Variants in CPQ observed in about 807,000 individuals in gnomAD.
CPQ encodes carboxypeptidase Q, also known as Ser-Met dipeptidase.
Under a neutral mutation model 45.7 loss-of-function variants are expected in CPQ, and 37 were observed. That is an observed-to-expected ratio of 0.81 (90% CI 0.62 to 1.07). The LOEUF (loss-of-function observed/expected upper bound fraction) is 1.07, where lower values mean the gene tolerates loss of function less well. Among genes scored for constraint, CPQ ranks in the 50% least tolerant of loss-of-function variants. The pLI, the probability that CPQ is intolerant of heterozygous loss-of-function variation, is 0.00. For missense variants in CPQ, 537 were observed against 572.9 expected (o/e 0.94, Z 0.64); for synonymous variants, 186 against 205.8 (o/e 0.90, Z 0.82).
intron 4 of CPQ, among the ~76,000 whole-genome samples, chr8:96,937,718 T>C (rs182039651): frequency 4.9e-4 from 74 of 152,312 alleles, no homozygotes; most frequent in African/African-American, 1.6e-3. Flanking sequence ...TCAATTGCCA[T>C]GTTTTTTAGG....
intron 3 of CPQ, among the ~76,000 whole-genome samples, chr8:96,852,062 C>T (rs1811777993): frequency 6.6e-6 from 1 of 152,170 alleles, no homozygotes; most frequent in African/African-American, 2.4e-5. Flanking sequence ...AGCTTCAATC[C>T]GTTACCATCA....
intron 1 of CPQ, among the ~76,000 whole-genome samples, chr8:96,670,197 C>T (rs565897756): frequency 1.3e-4 from 20 of 152,016 alleles, no homozygotes; most frequent in Non-Finnish European, 2.5e-4. Context: ...ATATCAAAAC[C>T]GTGGCACTAA....
rs544645596 is a variant in CPQ at position 97,128,616 on chromosome 8, T to C, written c.1256-14404T>C. Among the ~76,000 whole-genome samples, 15 of 151,664 alleles carry C rather than the reference T, an allele frequency of 9.9e-5. No individual in the cohort carries two copies. The South Asian group carries it at 2.7e-3, about 27-fold the overall frequency. On this transcript the variant is annotated intron_variant, in intron 7 of 7. Coordinates refer to ENST00000220763, the MANE Select transcript of CPQ (RefSeq NM_016134.4). ...AGGAGAATCGCTTGAACCTGGGAGG[T>C]GGAGGTTGCAGTGAGCCGAGATGGT...
intron 1 of CPQ, among the ~76,000 whole-genome samples, chr8:96,755,908 T>G (rs2130788319): frequency 6.6e-6 from 1 of 152,150 alleles, no homozygotes; most frequent in East Asian, 1.9e-4. Context: ...AAGTAACACC[T>G]ATGCCAGGAT....
At chr8:97,065,579 G>T (rs1810622172) in intron 6 of CPQ, among the ~76,000 whole-genome samples, 1 of 152,110 alleles carries the variant, frequency 6.6e-6, no homozygotes, top group Admixed American at 6.6e-5. Flanking sequence ...AGAGGAAAGA[G>T]GTGCAAAGAA....
chr8:97,120,672 T>G (rs1811686036), intron 7 of CPQ, among the ~76,000 whole-genome samples: 1 of 152,208 alleles, frequency 6.6e-6, no homozygotes. Flanking sequence ...GTGGCTTTGG[T>G]CAAAGTCTTC....
intron 6 of CPQ, among the ~76,000 whole-genome samples, chr8:97,065,799 A>T (rs549232020): frequency 1.3e-5 from 2 of 152,048 alleles, no homozygotes; most frequent in Non-Finnish European, 2.9e-5. Context: ...TTTCAAGCCA[A>T]CTCTTGAGTT....
At chr8:96,653,581 G>C (rs942008249) in intron 1 of CPQ, among the ~76,000 whole-genome samples, 3 of 152,146 alleles carry the variant, frequency 2.0e-5, no homozygotes, top group Admixed American at 6.5e-5. Flanking sequence ...AGCCTTACCA[G>C]TAACATAAAT....
At chr8:96,970,142 C>T (rs1247124411) in intron 5 of CPQ, among the ~76,000 whole-genome samples, 1 of 152,158 alleles carries the variant, frequency 6.6e-6, no homozygotes, top group Non-Finnish European at 1.5e-5. Context: ...GGAAAAGCCC[C>T]AGGAAATGTA....
intron 2 of CPQ, among the ~76,000 whole-genome samples, chr8:96,787,538 T>C (rs1370888228): frequency 1.1e-5 from 1 of 90,610 alleles, no homozygotes. Context: ...TTTTTTTTTT[T>C]TTTTTTTTTT....
rs749303830 is a variant in CPQ at position 97,123,148 on chromosome 8, T to TAAATA, written c.1256-19846_1256-19842dup. Among the ~76,000 whole-genome samples the TAAATA allele has an allele frequency of 6.0e-3, 124 of 20,612 alleles. 2 individuals are homozygous for TAAATA. Among genetic ancestry groups the TAAATA allele is most frequent in the African/African-American group, 0.026 (105 of 4,016 alleles). 13.5% of individuals were successfully genotyped at this position (20,612 alleles called of 152,430 possible). ...ATAAATAAAATAAAATAAAATAAAA[T>TAAATA]AAATAAAATAAAATAAAATAAAATA... is the stretch of plus-strand genomic sequence containing the variant. On this transcript the variant is annotated intron_variant, in intron 7 of 7. Transcript: ENST00000220763.
intron 7 of CPQ, among the ~76,000 whole-genome samples, chr8:97,088,579 G>A (rs1039995285): frequency 6.6e-5 from 10 of 152,284 alleles, no homozygotes; most frequent in South Asian, 4.1e-4. Flanking sequence ...AAATGTATCC[G>A]TTTCAACAGT....
chr8:96,922,244 A>G (rs1169975667), intron 4 of CPQ, among the ~76,000 whole-genome samples: 1 of 152,214 alleles, frequency 6.6e-6, no homozygotes, highest in African/African-American at 2.4e-5. Flanking sequence ...TATAAACAGT[A>G]ACTATGACAA....
rs542983438 is a variant in CPQ, at chr8:96,910,661, C to T, written c.849+30656C>T. Among the ~76,000 whole-genome samples, 64 of 152,188 alleles carry T rather than the reference C, an allele frequency of 4.2e-4. No individual in the cohort carries two copies. The South Asian group carries it at 8.3e-3, about 20-fold the overall frequency. On this transcript the variant is annotated intron_variant, in intron 4 of 7. Transcript: ENST00000220763. ...CTGGGACTACAGGGGCCTGCCACCA[C>T]GCCTGGCTAATTTTTTGTATATTTA...
chr8:97,132,689 A>G (rs1335211265), intron 7 of CPQ: 1 of 152,212 alleles, frequency 6.6e-6, no homozygotes, highest in Non-Finnish European at 1.5e-5. Flanking sequence ...GGGTGTTTTC[A>G]GGTTTGAAAA....
intron 2 of CPQ, among the ~76,000 whole-genome samples, chr8:96,821,239 G>A (rs1218031687): frequency 6.8e-6 from 1 of 146,130 alleles, no homozygotes; most frequent in Non-Finnish European, 1.5e-5. Context: ...CTCATTCTGT[G>A]TGTTGTCTTT....
intron 3 of CPQ, among the ~76,000 whole-genome samples, chr8:96,863,504 G>A (rs1186522880): frequency 6.6e-6 from 1 of 152,016 alleles, no homozygotes; most frequent in African/African-American, 2.4e-5. Context: ...GGCAGGAAGA[G>A]GTGTGGTGAA....
intron 1 of CPQ, among the ~76,000 whole-genome samples, chr8:96,675,390 T>A (rs1253575982): frequency 6.6e-6 from 1 of 152,124 alleles, no homozygotes; most frequent in Non-Finnish European, 1.5e-5. Context: ...CTACTTCTAC[T>A]GCATTCTTTT....
At chr8:96,870,165 TA>T (rs914281315) in intron 3 of CPQ, among the ~76,000 whole-genome samples, 2 of 120,396 alleles carry the variant, frequency 1.7e-5, no homozygotes, top group African/African-American at 6.0e-5. Flanking sequence ...TTTATATATA[TA>T]TTTTTTTGGT....
Sources: allele counts gnomAD v4.1 joint callset (sites outside exome capture counted in the v4.1 genomes callset), GRCh38; gene constraint gnomAD v4.1.1; transcripts MANE v1.5; gene names NCBI Gene and HGNC (gene_info 2026-07-23, HGNC 2026-07-21).